Variants in MGMT observed in about 807,000 individuals in gnomAD.
The protein encoded by MGMT is methylated-DNA--protein-cysteine methyltransferase.
Under a neutral mutation model 15.9 loss-of-function variants are expected in MGMT, and 14 were observed. The observed-to-expected ratio is 0.88, with a 90% CI of 0.58 to 1.37. The LOEUF (loss-of-function observed/expected upper bound fraction) is 1.37. Among genes scored for constraint, MGMT ranks in the 40% most tolerant of loss-of-function variants. MGMT has a pLI of 0.00. For synonymous variants in MGMT, 130 were observed against 118.2 expected (o/e 1.10, Z -0.65); for missense variants, 282 against 268.1 (o/e 1.05, Z -0.36).
At chr10:129,639,211 G>A (rs1847299518) in intron 2 of MGMT, among the ~76,000 whole-genome samples, 2 of 151,958 alleles carry the variant, frequency 1.3e-5, no homozygotes, top group Admixed American at 6.6e-5. Context: ...ATAGATTAAA[G>A]GTAAGATATC....
chr10:129,668,652 C>A (rs1847687007), intron 2 of MGMT, among the ~76,000 whole-genome samples: 1 of 152,170 alleles, frequency 6.6e-6, no homozygotes, highest in Non-Finnish European at 1.5e-5. Flanking sequence ...AGCTTTATAA[C>A]AAATTTTCAA....
In MGMT at chr10:129,467,259, G is replaced by T. The variant is rs755643077; in HGVS notation, c.-50G>T. ...CCCCTAGAACGCTTTGCGTCCCGAC[G>T]CCCGCAGGTCCTCGCGGTGCGCACC... On this transcript the variant is annotated 5_prime_UTR_variant, in exon 1 of 5. Transcript: ENST00000651593. 108 of 1,509,476 alleles carry T rather than the reference G, an allele frequency of 7.2e-5. 4 individuals are homozygous for T. In the South Asian group the frequency reaches 1.2e-3, roughly 17 times the overall value. The allele number at this position is 1,509,476 out of a possible 1,614,324, so 93.5% of individuals were successfully genotyped here. A position where few individuals can be genotyped will look rare whatever the true frequency, so the allele number is the denominator to read the frequency against.
intron 3 of MGMT, among the ~76,000 whole-genome samples, chr10:129,745,181 C>T (rs191551266): frequency 2.2e-4 from 33 of 152,246 alleles, no homozygotes; most frequent in African/African-American, 7.9e-4. Context: ...GGAGAAAACT[C>T]CCTTTGATTA....
chr10:129,487,565 C>T (rs764563922), intron 1 of MGMT, among the ~76,000 whole-genome samples: 3 of 151,280 alleles, frequency 2.0e-5, no homozygotes, highest in Admixed American at 6.6e-5. Flanking sequence ...TGCTTCCCTC[C>T]GGAAGGGAAT....
chr10:129,565,242 G>A (rs767557411), intron 2 of MGMT, among the ~76,000 whole-genome samples: 1 of 151,710 alleles, frequency 6.6e-6, no homozygotes, highest in Admixed American at 6.6e-5. Context: ...TCGTACATGT[G>A]GAGTTTAAAG....
chr10:129,567,842 T>C (rs1846373944), intron 2 of MGMT, among the ~76,000 whole-genome samples: 1 of 152,230 alleles, frequency 6.6e-6, no homozygotes, highest in Admixed American at 6.5e-5. Context: ...TATCTTAAAA[T>C]GATAGATCAC....
At chr10:129,629,442 C>G (rs56188118) in intron 2 of MGMT, among the ~76,000 whole-genome samples, 2 of 152,126 alleles carry the variant, frequency 1.3e-5, no homozygotes, top group African/African-American at 4.8e-5. Flanking sequence ...CATAGGCTGT[C>G]TGTGGCTACT....
intron 2 of MGMT, among the ~76,000 whole-genome samples, chr10:129,599,660 T>TA (rs1438207957): frequency 1.3e-5 from 2 of 152,202 alleles, no homozygotes; most frequent in African/African-American, 2.4e-5. Context: ...AGTGCAGACA[T>TA]ATGCTTGTAC....
intron 4 of MGMT, among the ~76,000 whole-genome samples, chr10:129,762,205 GA>G (rs1176605361): frequency 2.0e-5 from 3 of 152,226 alleles, no homozygotes; most frequent in Non-Finnish European, 4.4e-5. Flanking sequence ...CTCGCTCATT[GA>G]AAACATCCCT....
At chr10:129,590,641 G>A (rs1168885291) in intron 2 of MGMT, among the ~76,000 whole-genome samples, 1 of 152,194 alleles carries the variant, frequency 6.6e-6, no homozygotes, top group Non-Finnish European at 1.5e-5. Flanking sequence ...GCCATTCACA[G>A]TCTAATGAGA....
chr10:129,646,852 C>T (rs1273596107), intron 2 of MGMT, among the ~76,000 whole-genome samples: 1 of 149,906 alleles, frequency 6.7e-6, no homozygotes, highest in African/African-American at 2.5e-5. Flanking sequence ...CGGCGGCTTT[C>T]CTCTTGTTTG....
chr10:129,664,510 C>A (rs1847635427), intron 2 of MGMT, among the ~76,000 whole-genome samples: 1 of 152,208 alleles, frequency 6.6e-6, no homozygotes, highest in African/African-American at 2.4e-5. Flanking sequence ...CATATGTACA[C>A]ACTTCTTCCA....
At chr10:129,481,890 CTTGAT>C (rs1037081361) in intron 1 of MGMT, among the ~76,000 whole-genome samples, 12 of 152,100 alleles carry the variant, frequency 7.9e-5, no homozygotes, top group African/African-American at 2.7e-4. Context: ...ACTTTCGTTA[CTTGAT>C]TTTTCTCTCT....
Position 129,544,733 on chromosome 10 carries a change from G to A in MGMT, c.125+8356G>A, listed in dbSNP as rs551532324. Among the ~76,000 whole-genome samples the A allele has an allele frequency of 8.5e-5, 13 of 152,338 alleles. No homozygotes were observed. In the South Asian group the frequency reaches 1.2e-3, roughly 15 times the overall value. The stretch of plus-strand genomic sequence containing the variant: ...GCATTGCCTGCCTCTCGGTCCCCTC[G>A]CCTCATTGCAGTTTGGTGCTTCTAA... On this transcript the variant is annotated intron_variant, in intron 2 of 4. Transcript: ENST00000651593.
chr10:129,598,318 C>T (rs756447668), intron 2 of MGMT, among the ~76,000 whole-genome samples: 2 of 152,176 alleles, frequency 1.3e-5, no homozygotes, highest in East Asian at 3.9e-4. Flanking sequence ...GAACCGTGGG[C>T]AAGTCTCTTG....
intron 2 of MGMT, among the ~76,000 whole-genome samples, chr10:129,624,101 C>G (rs572276804): frequency 1.3e-5 from 2 of 152,250 alleles, no homozygotes; most frequent in Non-Finnish European, 2.9e-5. Context: ...AGCGCCTGCG[C>G]GAATCTTCTT....
chr10:129,624,525 C>T (rs1012616452), intron 2 of MGMT, among the ~76,000 whole-genome samples: 1 of 152,208 alleles, frequency 6.6e-6, no homozygotes, highest in Admixed American at 6.5e-5. Context: ...GTAATCTCTA[C>T]ATCCCCAATC....
At chr10:129,653,507 G>A (rs181846830) in intron 2 of MGMT, among the ~76,000 whole-genome samples, 3 of 152,352 alleles carry the variant, frequency 2.0e-5, no homozygotes, top group Admixed American at 6.5e-5. Context: ...CCCCCAGGCC[G>A]AGGTGCTGCA....
At chr10:129,497,190 C>G (rs1294371688) in intron 1 of MGMT, among the ~76,000 whole-genome samples, 2 of 152,190 alleles carry the variant, frequency 1.3e-5, no homozygotes, top group Admixed American at 6.5e-5. Flanking sequence ...AGCCACAGCT[C>G]GTACCACTCC....
Sources: gnomAD v4.1 joint callset for allele counts (sites outside exome capture counted in the v4.1 genomes callset) on GRCh38, gnomAD v4.1.1 for gene constraint, MANE v1.5 for transcripts, NCBI Gene and HGNC (gene_info 2026-07-23, HGNC 2026-07-21) for gene names.